SUMO2: variants seen among roughly 807,000 people sequenced by gnomAD.
SUMO2 encodes small ubiquitin-related modifier 2.
Under a neutral mutation model 16.0 loss-of-function variants are expected in SUMO2, and 1 was observed. The ratio of observed to expected loss-of-function variants is 0.06; its 90% CI spans 0.02 to 0.30. The LOEUF (loss-of-function observed/expected upper bound fraction) is 0.30, where lower values mean the gene tolerates loss of function less well. SUMO2 is among the 10% of genes least tolerant of loss of function. The probability of loss-of-function intolerance (pLI) is 1.00; values close to 1 mark genes in which losing one functional copy is unlikely to be tolerated. For synonymous variants in SUMO2, 36 were observed against 40.6 expected (o/e 0.89, Z 0.43); for missense variants, 16 against 117.5 (o/e 0.14, Z 3.99).
rs1375979745 is a variant in SUMO2, at chr17:75,166,491, T to A, written c.*1848A>T. 6.8e-6 allele frequency: 1 copy of A among 147,642 alleles called. No individual in the cohort carries two copies. The highest frequency in any genetic ancestry group is 6.8e-5 in the Admixed American group (1 of 14,778). The allele number at this position is 147,642 out of a possible 1,614,324, so 9.1% of individuals were successfully genotyped here. A position where few individuals can be genotyped will look rare whatever the true frequency, so the allele number is the denominator to read the frequency against. ...ACTCCATCTCAAAAATAAACATTTTTAAAAAATTAAAAAGGGGCTGGGCAT... is the reference window on the plus strand; with the variant it reads ...ACTCCATCTCAAAAATAAACATTTTAAAAAAATTAAAAAGGGGCTGGGCAT... On this transcript the variant is annotated 3_prime_UTR_variant, in exon 4 of 4. Transcript: ENST00000420826.
intron 3 of SUMO2, among the ~76,000 whole-genome samples, chr17:75,169,508 C>T (rs1192585116): frequency 1.3e-5 from 2 of 151,422 alleles, no homozygotes; most frequent in African/African-American, 2.4e-5. Flanking sequence ...CTCAGCCTCC[C>T]GAGTAGCTGG....
intron 2 of SUMO2, among the ~76,000 whole-genome samples, chr17:75,179,527 CAAAAAAAAAAAA>C (rs35348154): frequency 1.0e-5 from 1 of 97,232 alleles, no homozygotes; most frequent in Non-Finnish European, 2.3e-5. Flanking sequence ...GACTCTGTCT[CAAAAAAAAAAAA>C]AAAAAAGGTA....
At chr17:75,182,133 G>T (rs2074833726) in intron 1 of SUMO2, among the ~76,000 whole-genome samples, 1 of 152,082 alleles carries the variant, frequency 6.6e-6, no homozygotes, top group Non-Finnish European at 1.5e-5. Flanking sequence ...CCAACTTCAT[G>T]AAACCACATG....
chr17:75,175,404 T>C (rs2074774472), intron 2 of SUMO2, among the ~76,000 whole-genome samples: 2 of 151,922 alleles, frequency 1.3e-5, no homozygotes, highest in Non-Finnish European at 2.9e-5. Context: ...CACTGCAACC[T>C]CCACCTTTTG....
At position 75,179,039 on chromosome 17, in the gene SUMO2, A is replaced by G. The variant is rs566588938; in HGVS notation, c.153+2018T>C. On this transcript the variant is annotated intron_variant, in intron 2 of 3. Coordinates refer to ENST00000420826, the MANE Select transcript of SUMO2 (RefSeq NM_006937.4). Reference sequence around the variant, plus strand: ...CCTTGGCCTCCCAAAGTGCTGGATTACCACGCCCAGCCTATGATTTTCTAT... The same window carrying G: ...CCTTGGCCTCCCAAAGTGCTGGATTGCCACGCCCAGCCTATGATTTTCTAT... Among the ~76,000 whole-genome samples, 7 of 152,278 alleles carry G rather than the reference A, an allele frequency of 4.6e-5. No individual in the cohort carries two copies. The South Asian group carries it at 1.5e-3, about 32-fold the overall frequency.
chr17:75,181,836 C>A (rs550131784), intron 1 of SUMO2, among the ~76,000 whole-genome samples: 7 of 152,006 alleles, frequency 4.6e-5, no homozygotes, highest in Non-Finnish European at 7.4e-5. Flanking sequence ...CCCCTCCCCC[C>A]CTTTGTTGTC....
At position 75,166,913 on chromosome 17, in the gene SUMO2, A is replaced by G. The variant is rs1289172755; in HGVS notation, c.*1426T>C. 1.3e-5 allele frequency: 2 copies of G among 152,014 alleles called. No individual in the cohort carries two copies. The highest frequency in any genetic ancestry group is 3.8e-4 in the East Asian group (2 of 5,198). 9.4% of individuals were successfully genotyped at this position (152,014 alleles called of 1,614,324 possible). On this transcript the variant is annotated 3_prime_UTR_variant, in exon 4 of 4. Transcript: ENST00000420826. Reference sequence around the variant, plus strand: ...ACGGAATGATGCTCCATCTCAAAAAACCACCACCAAAAGAAACCCTAAGAA... The same window carrying G: ...ACGGAATGATGCTCCATCTCAAAAAGCCACCACCAAAAGAAACCCTAAGAA...
intron 3 of SUMO2, among the ~76,000 whole-genome samples, chr17:75,170,716 GGCAGGT>G (rs769647801): frequency 4.2e-4 from 63 of 149,944 alleles, no homozygotes; most frequent in Non-Finnish European, 7.6e-4. Flanking sequence ...TGGGCATGGT[GGCAGGT>G]GCCTGTAATC....
intron 1 of SUMO2, among the ~76,000 whole-genome samples, chr17:75,181,640 A>G (rs1339460792): frequency 6.6e-6 from 1 of 152,182 alleles, no homozygotes. Flanking sequence ...TTGTCATTAA[A>G]AAGTTACCAA....
chr17:75,177,158 G>A (rs1055024493), intron 2 of SUMO2, among the ~76,000 whole-genome samples: 12 of 149,030 alleles, frequency 8.1e-5, no homozygotes, highest in Admixed American at 2.0e-4. Flanking sequence ...TTGCAAGAGC[G>A]AGACTCTTGT....
In SUMO2 at chr17:75,174,788, G is replaced by A. The variant is rs774853171; in HGVS notation, c.189C>T (p.Asp63=). 20 of 1,613,628 alleles carry A rather than the reference G, an allele frequency of 1.2e-5. No homozygotes were observed. In the Admixed American group the frequency reaches 1.7e-4, roughly 13 times the overall value. Residue 63 remains aspartate (D), a synonymous_variant, in exon 3 of 4, where the codon GAC becomes GAT. Transcript: ENST00000420826. Reference sequence around the variant, plus strand: ...TGTCTGTTTCATTGATTGGTTGCCCGTCAAATCGGAATCTGATCTGCCTCA... The same window carrying A: ...TGTCTGTTTCATTGATTGGTTGCCCATCAAATCGGAATCTGATCTGCCTCA... ...LSMRQIRFRF[D]GQPINETDTP... is the part of the protein sequence containing the mutation.
chr17:75,180,170 C>T (rs1397568571), intron 2 of SUMO2, among the ~76,000 whole-genome samples: 1 of 149,266 alleles, frequency 6.7e-6, no homozygotes, highest in Non-Finnish European at 1.5e-5. Flanking sequence ...CAAAATTAGC[C>T]GGGCGTGGTG....
rs1001045942 is a variant in SUMO2, at chr17:75,182,942, C to T, written c.-108G>A. 11 of 1,018,952 alleles carry T rather than the reference C, an allele frequency of 1.1e-5. No homozygotes were observed. The highest frequency in any genetic ancestry group is 4.3e-5 in the Admixed American group (1 of 23,274). The allele number at this position is 1,018,952 out of a possible 1,614,324, so 63.1% of individuals were successfully genotyped here. A position where few individuals can be genotyped will look rare whatever the true frequency, so the allele number is the denominator to read the frequency against. On this transcript the variant is annotated 5_prime_UTR_variant, in exon 1 of 4. Coordinates refer to ENST00000420826, the MANE Select transcript of SUMO2 (RefSeq NM_006937.4). ...GAGCGGCAGAAGAAGGAGGCGGCAG[C>T]GGTGGACGAGGGGAGAGGGTGCGCG...
chr17:75,179,949 G>A (rs2074814043), intron 2 of SUMO2, among the ~76,000 whole-genome samples: 1 of 152,082 alleles, frequency 6.6e-6, no homozygotes, highest in African/African-American at 2.4e-5. Context: ...CAGGCCTAAA[G>A]GAAGTTTTTA....
chr17:75,177,417 G>A (rs184745256), intron 2 of SUMO2, among the ~76,000 whole-genome samples: 12 of 151,992 alleles, frequency 7.9e-5, no homozygotes, highest in African/African-American at 2.2e-4. Flanking sequence ...AGTGGCTCAC[G>A]CCTATAATCC....
At chr17:75,169,056 A>C (rs936019486) in intron 3 of SUMO2, among the ~76,000 whole-genome samples, 4 of 139,308 alleles carry the variant, frequency 2.9e-5, no homozygotes, top group Admixed American at 2.1e-4. Context: ...ACATCTCTAC[A>C]AAAAAAAAAA....
At chr17:75,179,674 T>C (rs1346148971) in intron 2 of SUMO2, among the ~76,000 whole-genome samples, 4 of 151,790 alleles carry the variant, frequency 2.6e-5, no homozygotes, top group African/African-American at 4.8e-5. Flanking sequence ...TTTTTTTTTT[T>C]CCTTTGAAAT....
At chr17:75,175,322 CCTTTT>C (rs542120128) in intron 2 of SUMO2, among the ~76,000 whole-genome samples, 3 of 150,346 alleles carry the variant, frequency 2.0e-5, no homozygotes, top group Non-Finnish European at 4.4e-5. Context: ...TATTTTTTTT[CCTTTT>C]CTTTTTTTTT....
Position 75,182,888 on chromosome 17 carries a change from G to C in SUMO2, c.-54C>G, listed in dbSNP as rs563782248. On this transcript the variant is annotated 5_prime_UTR_variant, in exon 1 of 4. Coordinates refer to ENST00000420826, the MANE Select transcript of SUMO2 (RefSeq NM_006937.4). ...GCTTCACAAAAGAGGTACCAGGTCC[G>C]CACCAAACGAGCACACAAGCAGCAC... 9.6e-4 allele frequency: 1,267 copies of C among 1,320,738 alleles called. 2 individuals are homozygous for C. The Middle Eastern group carries it at 9.6e-3, about 10-fold the overall frequency. 81.8% of individuals were successfully genotyped at this position (1,320,738 alleles called of 1,614,324 possible).
Sources: allele counts gnomAD v4.1 joint callset (sites outside exome capture counted in the v4.1 genomes callset), GRCh38; gene constraint gnomAD v4.1.1; transcripts MANE v1.5; gene names NCBI Gene and HGNC (gene_info 2026-07-23, HGNC 2026-07-21).